The following ABLIM2 variants were observed in gnomAD, a reference collection of about 807,000 sequenced individuals.
ABLIM2 encodes the protein actin-binding LIM protein 2.
Under a neutral mutation model 97.7 loss-of-function variants are expected in ABLIM2, and 53 were observed. The ratio of observed to expected loss-of-function variants is 0.54; its 90% CI spans 0.44 to 0.68. The LOEUF (loss-of-function observed/expected upper bound fraction) is 0.68, where lower values mean the gene tolerates loss of function less well. Ranked by LOEUF, ABLIM2 falls within the 30% of genes least tolerant of loss-of-function variation. The probability of loss-of-function intolerance (pLI) is 0.00; values close to 1 mark genes in which losing one functional copy is unlikely to be tolerated. For missense variants in ABLIM2, 835 were observed against 867.2 expected (o/e 0.96, Z 0.47); for synonymous variants, 361 against 345.8 (o/e 1.04, Z -0.49).
chr4:8,032,659 T>A lies in ABLIM2; in HGVS notation c.1048-2883A>T, dbSNP rs936105312. On this transcript the variant is annotated intron_variant, in intron 10 of 20. Coordinates refer to ENST00000447017, the MANE Select transcript of ABLIM2 (RefSeq NM_001130083.2). The surrounding 1 kb of genome is among the most constrained non-coding windows in gnomAD (Gnocchi z 4.3). ...AGGGTGGTGGTTACCTCGGTCGGCG[T>A]TGGCGAGAGCAACTGAGGGGACTGT... 6 of 1,612,326 alleles carry A rather than the reference T, an allele frequency of 3.7e-6. No individual in the cohort carries two copies. The highest frequency in any genetic ancestry group is 4.2e-6 in the Non-Finnish European group (5 of 1,179,786).
intron 3 of ABLIM2, among the ~76,000 whole-genome samples, chr4:8,094,976 CTT>C (rs1474835080): frequency 1.3e-5 from 1 of 79,798 alleles, no homozygotes; most frequent in Non-Finnish European, 3.0e-5. Flanking sequence ...CCTTCCCTCC[CTT>C]TCTTTCTCTT....
At chr4:8,138,759 C>T (rs1850533887) in intron 1 of ABLIM2, among the ~76,000 whole-genome samples, 1 of 152,152 alleles carries the variant, frequency 6.6e-6, no homozygotes, top group African/African-American at 2.4e-5. Flanking sequence ...AATAAAAACC[C>T]TAGAAGAAAA....
intron 12 of ABLIM2, chr4:8,020,689 A>G (rs988627403): frequency 7.4e-6 from 2 of 271,902 alleles, no homozygotes; most frequent in Middle Eastern, 1.2e-3. Flanking sequence ...TTATCCTTGT[A>G]TATAAACATG....
In ABLIM2 at chr4:8,040,213, C is replaced by T. The variant is rs575868243; in HGVS notation, c.901-3918G>A. Among the ~76,000 whole-genome samples, 32 of 152,264 alleles carry T rather than the reference C, an allele frequency of 2.1e-4. 1 individual carries two copies. The highest frequency in any genetic ancestry group is 7.2e-4 in the African/African-American group (30 of 41,560). The stretch of plus-strand genomic sequence containing the variant: ...CAGCTGCAACCTGCAAAGCACCCGA[C>T]GGGGACATGGAACGGCCCCTTTCTG... On this transcript the variant is annotated intron_variant, in intron 9 of 20. Transcript: ENST00000447017.
chr4:7,968,282 C>T (rs1025402907), intron 20 of ABLIM2, among the ~76,000 whole-genome samples: 5 of 152,324 alleles, frequency 3.3e-5, no homozygotes, highest in Admixed American at 1.3e-4. Flanking sequence ...TGTAGTTCTG[C>T]GACACACTCC....
chr4:7,992,859 T>A lies in ABLIM2; in HGVS notation c.1680+7A>T, dbSNP rs757658947. On this transcript the variant is annotated splice_region_variant and intron_variant, in intron 17 of 20. Transcript: ENST00000447017. This position sits in a 1 kb window ranked among gnomAD's most constrained non-coding sequence, Gnocchi z 5.7. ...TACCCTGTGGCCAGGGAGGGGTCAG[T>A]ACCTACCCGCTGGTCCAAGCCATTC... 2 of 1,611,996 alleles carry A rather than the reference T, an allele frequency of 1.2e-6. No homozygotes were observed. The highest frequency in any genetic ancestry group is 1.7e-6 in the Non-Finnish European group (2 of 1,179,332).
chr4:8,031,585 G>C (rs1438547799), intron 10 of ABLIM2, among the ~76,000 whole-genome samples: 1 of 152,146 alleles, frequency 6.6e-6, no homozygotes. Flanking sequence ...CCGACCGCTG[G>C]GCTGAAATCC....
chr4:8,158,643 G>C (rs1716219308), intron 1 of ABLIM2, 37 bp downstream of exon 1: 1 of 1,505,320 alleles, frequency 6.6e-7, no homozygotes, highest in African/African-American at 1.4e-5. Flanking sequence ...GCGAGCCAGC[G>C]CGGGGACCCG....
chr4:7,989,273 T>C (rs1333109362), intron 17 of ABLIM2, among the ~76,000 whole-genome samples: 2 of 152,114 alleles, frequency 1.3e-5, no homozygotes, highest in Non-Finnish European at 2.9e-5. Context: ...GAGATGGGGT[T>C]TCACCATGTT....
chr4:8,020,457 T>TA, intron 12 of ABLIM2, 154 bp from the exon 13 acceptor site: 1 of 730,630 alleles, frequency 1.4e-6, no homozygotes, highest in South Asian at 1.5e-5. Flanking sequence ...AGTGTGGGCC[T>TA]CATCCACGTT....
At chr4:8,138,107 G>C (rs983570686) in intron 1 of ABLIM2, among the ~76,000 whole-genome samples, 7 of 152,186 alleles carry the variant, frequency 4.6e-5, no homozygotes, top group Non-Finnish European at 1.0e-4. Flanking sequence ...GAGGCCCCTA[G>C]AGTTGTTGAA....
In ABLIM2 at chr4:8,127,566, C is replaced by A. The variant is rs1290673976; in HGVS notation, c.11-20929G>T. The A allele has an allele frequency of 1.6e-6, 2 of 1,289,800 alleles. No individual in the cohort carries two copies. Among genetic ancestry groups the A allele is most frequent in the South Asian group, 2.5e-5 (2 of 81,030 alleles). 79.9% of individuals were successfully genotyped at this position (1,289,800 alleles called of 1,614,324 possible). A position where few individuals can be genotyped will look rare whatever the true frequency, so the allele number is the denominator to read the frequency against. On this transcript the variant is annotated intron_variant, in intron 1 of 20. Coordinates refer to ENST00000447017, the MANE Select transcript of ABLIM2 (RefSeq NM_001130083.2). The surrounding 1 kb of genome is among the most constrained non-coding windows in gnomAD (Gnocchi z 7.3). The stretch of plus-strand genomic sequence containing the variant: ...ATTTACCTGTGTCTCCCCCTGGCAC[C>A]CCCATGGAGCGTGGCTGCTTGCAAA...
rs759091924 is a variant in ABLIM2 at position 8,124,719 on chromosome 4, T to A, written c.11-18082A>T. On this transcript the variant is annotated intron_variant, in intron 1 of 20. Coordinates refer to ENST00000447017, the MANE Select transcript of ABLIM2 (RefSeq NM_001130083.2). This position sits in a 1 kb window ranked among gnomAD's most constrained non-coding sequence, Gnocchi z 6.1. ...TTGTGAATAACACGGCTATGAACAT[T>A]CGAGTGTGAATATTCGTGTGGACAT... is the stretch of plus-strand genomic sequence containing the variant. 2.6e-5 allele frequency among the ~76,000 whole-genome samples: 4 copies of A among 152,208 alleles called. No homozygotes were observed. The highest frequency in any genetic ancestry group is 6.5e-5 in the Admixed American group (1 of 15,282).
In ABLIM2 at chr4:7,965,669, T is replaced by C. The variant is rs1422069411; in HGVS notation, c.*1321A>G. On this transcript the variant is annotated 3_prime_UTR_variant, in exon 21 of 21. Coordinates refer to ENST00000447017, the MANE Select transcript of ABLIM2 (RefSeq NM_001130083.2). Reference sequence around the variant, plus strand: ...CTTATCAGCATCCTGTGACGGCCGGTGCTGCACCCTAACACACACCTAATG... The same window carrying C: ...CTTATCAGCATCCTGTGACGGCCGGCGCTGCACCCTAACACACACCTAATG... 1 of 152,164 alleles carries C rather than the reference T, an allele frequency of 6.6e-6. No individual in the cohort carries two copies. Among genetic ancestry groups the C allele is most frequent in the Non-Finnish European group, 1.5e-5 (1 of 68,048 alleles). 9.4% of individuals were successfully genotyped at this position (152,164 alleles called of 1,614,324 possible).
intron 1 of ABLIM2, among the ~76,000 whole-genome samples, chr4:8,143,282 G>A (rs760024125): frequency 2.0e-5 from 3 of 151,798 alleles, no homozygotes; most frequent in African/African-American, 4.9e-5. Flanking sequence ...TCTAAGGAAG[G>A]AGCTTCCTTC....
intron 3 of ABLIM2, among the ~76,000 whole-genome samples, chr4:8,089,027 T>G (rs1402554179): frequency 6.6e-6 from 1 of 152,236 alleles, no homozygotes; most frequent in Non-Finnish European, 1.5e-5. Context: ...GCCATTTTGC[T>G]CTAAATGGAT....
rs183443087 is a variant in ABLIM2, at chr4:8,042,203, G to A, written c.900+2961C>T. ...TCTCACCCTCTTCCTTCCTACCCCCGCTGAAGTGAGCCATACCAACCAGAG... is the reference window on the plus strand; with the variant it reads ...TCTCACCCTCTTCCTTCCTACCCCCACTGAAGTGAGCCATACCAACCAGAG... On this transcript the variant is annotated intron_variant, in intron 9 of 20. Transcript: ENST00000447017. Among the ~76,000 whole-genome samples, 163 of 152,194 alleles carry A rather than the reference G, an allele frequency of 1.1e-3. 1 individual carries two copies. Among genetic ancestry groups the A allele is most frequent in the African/African-American group, 3.7e-3 (154 of 41,518 alleles).
Position 8,112,701 on chromosome 4 carries a change from C to T in ABLIM2, c.11-6064G>A, listed in dbSNP as rs957416562. ...GAACACAACAGCCACGGTCCCAGCCCTCGACATTCTCTTGTTTGTTCCATA... is the reference window on the plus strand; with the variant it reads ...GAACACAACAGCCACGGTCCCAGCCTTCGACATTCTCTTGTTTGTTCCATA... On this transcript the variant is annotated intron_variant, in intron 1 of 20. Coordinates refer to ENST00000447017, the MANE Select transcript of ABLIM2 (RefSeq NM_001130083.2). The surrounding 1 kb of genome is among the most constrained non-coding windows in gnomAD (Gnocchi z 4.2). 1.3e-5 allele frequency among the ~76,000 whole-genome samples: 2 copies of T among 152,180 alleles called. No individual in the cohort carries two copies. The highest frequency in any genetic ancestry group is 2.9e-5 in the Non-Finnish European group (2 of 68,026).
Position 8,062,077 on chromosome 4 carries a change from C to A in ABLIM2, c.676-1023G>T, listed in dbSNP as rs570858357. 6.6e-5 allele frequency among the ~76,000 whole-genome samples: 10 copies of A among 151,838 alleles called. No homozygotes were observed. The South Asian group carries it at 1.7e-3, about 26-fold the overall frequency. ...AGGGGCTCTTCCCGCAGGGCCCAGGCCTCGGCACCAGCTGTCCCCTCCACT... is the reference window on the plus strand; with the variant it reads ...AGGGGCTCTTCCCGCAGGGCCCAGGACTCGGCACCAGCTGTCCCCTCCACT... On this transcript the variant is annotated intron_variant, in intron 6 of 20. Transcript: ENST00000447017.
Sources: allele counts gnomAD v4.1 joint callset (sites outside exome capture counted in the v4.1 genomes callset), GRCh38; gene constraint gnomAD v4.1.1; non-coding constraint Gnocchi (gnomAD v3.1); transcripts MANE v1.5; gene names NCBI Gene and HGNC (gene_info 2026-07-23, HGNC 2026-07-21).